Variants in ROBO1 observed in about 807,000 individuals in gnomAD.
The protein encoded by ROBO1 is roundabout guidance receptor 1, also known as roundabout homolog 1.
ROBO1 carries 149 observed loss-of-function variants against 195.9 expected under a neutral mutation model. The ratio of observed to expected loss-of-function variants is 0.76; its 90% CI spans 0.67 to 0.87. The LOEUF (loss-of-function observed/expected upper bound fraction) is 0.87, where lower values mean the gene tolerates loss of function less well. Ranked by LOEUF, ROBO1 falls within the 40% of genes least tolerant of loss-of-function variation. ROBO1 has a pLI of 0.00. For missense variants in ROBO1, 1,933 were observed against 2,068.3 expected, an observed-to-expected ratio of 0.93 and a Z score of 1.27; for synonymous variants, 816 against 733.2, an observed-to-expected ratio of 1.11 and a Z score of -1.82.
chr3:78,773,853 T>C (rs1314384923), intron 4 of ROBO1, among the ~76,000 whole-genome samples: 2 of 152,222 alleles, frequency 1.3e-5, no homozygotes, highest in African/African-American at 2.4e-5. Flanking sequence ...TAAGACTGAA[T>C]TGCTTTAATA....
intron 4 of ROBO1, among the ~76,000 whole-genome samples, chr3:78,879,989 A>G (rs995145934): frequency 6.6e-6 from 1 of 152,182 alleles, no homozygotes; most frequent in African/African-American, 2.4e-5. Context: ...TCATTACTCC[A>G]CAGTGATATA....
chr3:79,260,626 G>C (rs562395935), intron 2 of ROBO1, among the ~76,000 whole-genome samples: 1 of 152,206 alleles, frequency 6.6e-6, no homozygotes, highest in East Asian at 1.9e-4. Context: ...CTGGTTATTA[G>C]AGAGTTTTAA....
chr3:79,410,421 T>C (rs565941299), intron 2 of ROBO1, among the ~76,000 whole-genome samples: 3 of 151,728 alleles, frequency 2.0e-5, no homozygotes, highest in Non-Finnish European at 4.4e-5. Context: ...ATGGTAAAAA[T>C]AAAAACAAAA....
intron 2 of ROBO1, among the ~76,000 whole-genome samples, chr3:79,197,725 G>A (rs1415847244): frequency 2.0e-5 from 3 of 151,982 alleles, no homozygotes; most frequent in Non-Finnish European, 4.4e-5. Flanking sequence ...TTTAGTGATT[G>A]CCACTGTAAC....
In ROBO1 at chr3:79,496,212, CAAAAAAAA is replaced by C. The variant is rs751339145; in HGVS notation, c.88+93604_88+93611del. ...TAGGTGACAGAGCAAGACTCTGTCT[CAAAAAAAA>C]AAAAAAAAAAAAAAGACTCGTAAAG... is the stretch of plus-strand genomic sequence containing the variant. On this transcript the variant is annotated intron_variant, in intron 2 of 30. Transcript: ENST00000464233. 1.4e-4 allele frequency among the ~76,000 whole-genome samples: 8 copies of C among 56,270 alleles called. No individual in the cohort carries two copies. The East Asian group carries it at 4.1e-3, about 29-fold the overall frequency. The allele number at this position is 56,270 out of a possible 152,430, so 36.9% of individuals were successfully genotyped here.
In ROBO1 at chr3:79,288,264, T is replaced by G. The variant is rs747070886; in HGVS notation, c.89-162725A>C. Among the ~76,000 whole-genome samples the G allele has an allele frequency of 5.9e-4, 90 of 152,308 alleles. 1 individual carries two copies. The highest frequency in any genetic ancestry group is 1.2e-3 in the Non-Finnish European group (84 of 68,018). ...ACTATTATTACTGCACTTCTGAAAC[T>G]AAGGAAATCCTTTGGAATGACCTCA... On this transcript the variant is annotated intron_variant, in intron 2 of 30. Coordinates refer to ENST00000464233, the MANE Select transcript of ROBO1 (RefSeq NM_002941.4).
At chr3:79,419,451 C>T (rs185214205) in intron 2 of ROBO1, among the ~76,000 whole-genome samples, 26 of 152,188 alleles carry the variant, frequency 1.7e-4, no homozygotes, top group Admixed American at 1.6e-3. Flanking sequence ...AGAAAAGCTA[C>T]ACGTTTGACA....
At chr3:78,744,787 C>T (rs2108272642) in intron 5 of ROBO1, among the ~76,000 whole-genome samples, 1 of 152,194 alleles carries the variant, frequency 6.6e-6, no homozygotes, top group South Asian at 2.1e-4. Context: ...ATTCATCTAC[C>T]TCTTCACTAT....
chr3:79,376,927 T>G (rs1374991552), intron 2 of ROBO1, among the ~76,000 whole-genome samples: 2 of 152,128 alleles, frequency 1.3e-5, no homozygotes, highest in Non-Finnish European at 2.9e-5. Flanking sequence ...CTCCTACCAC[T>G]TCAACTTTCA....
chr3:79,322,663 A>G (rs1296614182), intron 2 of ROBO1, among the ~76,000 whole-genome samples: 3 of 152,198 alleles, frequency 2.0e-5, no homozygotes, highest in Non-Finnish European at 4.4e-5. Flanking sequence ...AATAATAGTA[A>G]CCATTTGGCC....
At chr3:79,232,055 G>C (rs2082329704) in intron 2 of ROBO1, among the ~76,000 whole-genome samples, 1 of 151,944 alleles carries the variant, frequency 6.6e-6, no homozygotes, top group South Asian at 2.1e-4. Context: ...CTATTGGAGG[G>C]TAGAGAATGA....
chr3:79,115,606 C>CTA (rs1276880508), intron 3 of ROBO1, among the ~76,000 whole-genome samples: 1 of 152,092 alleles, frequency 6.6e-6, no homozygotes, highest in Non-Finnish European at 1.5e-5. Flanking sequence ...CCAATACTGC[C>CTA]TATAGCCCAG....
At chr3:79,756,232 G>C (rs1431799586) in intron 1 of ROBO1, among the ~76,000 whole-genome samples, 17 of 152,048 alleles carry the variant, frequency 1.1e-4, no homozygotes. Context: ...AACATTTTTA[G>C]AGGACATTGA....
At chr3:78,939,374 G>A (rs887555955) in intron 3 of ROBO1, among the ~76,000 whole-genome samples, 42 of 151,950 alleles carry the variant, frequency 2.8e-4, no homozygotes, top group Non-Finnish European at 3.8e-4. Context: ...CAGCACTTTG[G>A]GGGGCCGAGG....
chr3:79,730,967 C>A (rs973160615), intron 1 of ROBO1, among the ~76,000 whole-genome samples: 5 of 151,640 alleles, frequency 3.3e-5, no homozygotes, highest in African/African-American at 1.2e-4. Context: ...TTAGTAGAGA[C>A]GGGGTTTCAC....
intron 3 of ROBO1, among the ~76,000 whole-genome samples, chr3:79,031,419 T>A (rs1280061283): frequency 6.6e-6 from 1 of 152,182 alleles, no homozygotes; most frequent in Non-Finnish European, 1.5e-5. Context: ...AACTTAAAAG[T>A]TAGTTTACTT....
At chr3:78,711,268 T>G (rs1170443658) in intron 8 of ROBO1, among the ~76,000 whole-genome samples, 1 of 151,986 alleles carries the variant, frequency 6.6e-6, no homozygotes, top group Non-Finnish European at 1.5e-5. Flanking sequence ...TCTCTCTTTC[T>G]TCCTTTCTTT....
chr3:79,630,656 T>C (rs1173901727), intron 1 of ROBO1, among the ~76,000 whole-genome samples: 1 of 151,828 alleles, frequency 6.6e-6, no homozygotes, highest in Non-Finnish European at 1.5e-5. Context: ...AAGAAAGAAA[T>C]AAAAGGCATC....
At chr3:79,575,015 C>G (rs1053008964) in intron 2 of ROBO1, among the ~76,000 whole-genome samples, 1 of 149,316 alleles carries the variant, frequency 6.7e-6, no homozygotes, top group Non-Finnish European at 1.5e-5. Flanking sequence ...TTACATGTTT[C>G]CTTAGACCAC....
Sources: gnomAD v4.1 joint callset for allele counts (sites outside exome capture counted in the v4.1 genomes callset) on GRCh38, gnomAD v4.1.1 for gene constraint, MANE v1.5 for transcripts, NCBI Gene and HGNC (gene_info 2026-07-23, HGNC 2026-07-21) for gene names.